CAPZA2: variants seen among roughly 807,000 people sequenced by gnomAD.
The protein encoded by CAPZA2 is F-actin-capping protein subunit alpha-2.
In CAPZA2, 13 loss-of-function variants were observed where a neutral mutation model predicts 44.0. The ratio of observed to expected loss-of-function variants is 0.30; its 90% CI spans 0.19 to 0.47. CAPZA2 has a LOEUF of 0.47. CAPZA2 is among the 20% of genes least tolerant of loss of function. The pLI is 1.00. For synonymous variants in CAPZA2, 94 were observed against 108.2 expected, an observed-to-expected ratio of 0.87 and a Z score of 0.81; for missense variants, 244 against 338.6, an observed-to-expected ratio of 0.72 and a Z score of 2.19.
intron 1 of CAPZA2, among the ~76,000 whole-genome samples, chr7:116,881,777 G>A (rs1252669135): frequency 6.7e-6 from 1 of 148,384 alleles, no homozygotes; most frequent in East Asian, 2.0e-4. Context: ...CATCACTAAT[G>A]CACCTTCCCC....
At chr7:116,900,609 G>C (rs927250034) in intron 4 of CAPZA2, among the ~76,000 whole-genome samples, 1 of 151,830 alleles carries the variant, frequency 6.6e-6, no homozygotes, top group Non-Finnish European at 1.5e-5. Context: ...TCAAAAAAAG[G>C]CATACGATTA....
At chr7:116,877,412 A>C (rs1274436954) in intron 1 of CAPZA2, among the ~76,000 whole-genome samples, 1 of 152,256 alleles carries the variant, frequency 6.6e-6, no homozygotes, top group Non-Finnish European at 1.5e-5. Context: ...TGATATGGCA[A>C]GCGGGAAGAC....
chr7:116,877,749 T>C (rs1305778225), intron 1 of CAPZA2, among the ~76,000 whole-genome samples: 1 of 152,222 alleles, frequency 6.6e-6, no homozygotes, highest in African/African-American at 2.4e-5. Flanking sequence ...AAGAGCCTTA[T>C]ATATCATGCT....
intron 8 of CAPZA2, among the ~76,000 whole-genome samples, chr7:116,912,529 A>G (rs1791611435): frequency 6.6e-6 from 1 of 152,034 alleles, no homozygotes; most frequent in Non-Finnish European, 1.5e-5. Context: ...TGGCTAATCT[A>G]CTTTCTGGCT....
In CAPZA2 at chr7:116,892,933, C is replaced by T. The variant is rs372003873; in HGVS notation, c.104-61C>T. 2.8e-4 allele frequency: 336 copies of T among 1,202,496 alleles called. 1 individual carries two copies. Among genetic ancestry groups the T allele is most frequent in the Middle Eastern group, 4.3e-4 (2 of 4,634 alleles). 74.5% of individuals were successfully genotyped at this position (1,202,496 alleles called of 1,614,324 possible). On this transcript the variant is annotated intron_variant, in intron 2 of 9. Transcript: ENST00000361183. ...GTTAATACATCACCAAAACAATCTG[C>T]GTTCATTACATTCTTGAAACATATA...
intron 1 of CAPZA2, among the ~76,000 whole-genome samples, chr7:116,871,092 C>T (rs1377320391): frequency 2.0e-5 from 3 of 152,010 alleles, no homozygotes; most frequent in Admixed American, 6.6e-5. Flanking sequence ...TGGGTTAAAG[C>T]GAGATGGGAT....
intron 3 of CAPZA2, among the ~76,000 whole-genome samples, chr7:116,895,943 A>G (rs559954067): frequency 6.6e-6 from 1 of 152,120 alleles, no homozygotes; most frequent in African/African-American, 2.4e-5. Flanking sequence ...TTTGTTACCT[A>G]TCATTGAGGC....
rs567529660 is a variant in CAPZA2 at position 116,863,456 on chromosome 7, TTACTG to T, written c.39+809_39+813del. On this transcript the variant is annotated intron_variant, in intron 1 of 9. Coordinates refer to ENST00000361183, the MANE Select transcript of CAPZA2 (RefSeq NM_006136.3). ...AAGAGGGGAAAATGTGCAACTCCTT[TTACTG>T]TATATTAGATGCTGTGACAGCAATG... 6.6e-5 allele frequency among the ~76,000 whole-genome samples: 10 copies of T among 152,364 alleles called. No individual in the cohort carries two copies. The South Asian group carries it at 2.1e-3, about 32-fold the overall frequency.
chr7:116,871,902 C>T (rs567243621), intron 1 of CAPZA2, among the ~76,000 whole-genome samples: 1 of 152,346 alleles, frequency 6.6e-6, no homozygotes, highest in African/African-American at 2.4e-5. Context: ...TCTGGCTGCA[C>T]ATTAGAATCA....
chr7:116,914,265 G>A (rs1177258284), intron 8 of CAPZA2, among the ~76,000 whole-genome samples: 5 of 151,844 alleles, frequency 3.3e-5, no homozygotes, highest in African/African-American at 4.8e-5. Flanking sequence ...TCCTGACCTC[G>A]TGATCCACCC....
chr7:116,906,566 T>A, intron 6 of CAPZA2: 1 of 627,896 alleles, frequency 1.6e-6, no homozygotes, highest in Non-Finnish European at 2.4e-6. Flanking sequence ...AGTATGGGAC[T>A]AGCAAACAGC....
chr7:116,895,690 TTTGA>T (rs928385273), intron 3 of CAPZA2, among the ~76,000 whole-genome samples: 27 of 152,036 alleles, frequency 1.8e-4, no homozygotes, highest in Non-Finnish European at 3.2e-4. Flanking sequence ...AAAAAAATAG[TTTGA>T]TTGACTTCAG....
intron 6 of CAPZA2, among the ~76,000 whole-genome samples, chr7:116,908,988 T>C (rs1791551349): frequency 1.3e-5 from 2 of 152,288 alleles, no homozygotes; most frequent in Admixed American, 1.3e-4. Flanking sequence ...CAGAAGTCTT[T>C]TGGATTTCAA....
chr7:116,877,558 G>C (rs948743213), intron 1 of CAPZA2, among the ~76,000 whole-genome samples: 2 of 152,196 alleles, frequency 1.3e-5, no homozygotes, highest in Non-Finnish European at 1.5e-5. Context: ...GCCATTATTT[G>C]AGTGCTTGCT....
At chr7:116,892,973 G>GATAACATA (rs1451595791) in intron 2 of CAPZA2, 21 bp from the exon 3 acceptor site, 1 of 1,544,154 alleles carries the variant, frequency 6.5e-7, no homozygotes, top group Non-Finnish European at 8.9e-7. Flanking sequence ...TAATAATGTA[G>GATAACATA]ATAACATAAT....
chr7:116,875,056 TC>T (rs1205449317), intron 1 of CAPZA2: 3 of 152,096 alleles, frequency 2.0e-5, no homozygotes, highest in African/African-American at 7.2e-5. Context: ...ACCAGTATAC[TC>T]CAAGTCTGGG....
chr7:116,894,713 T>G (rs931699323), intron 3 of CAPZA2, among the ~76,000 whole-genome samples: 2 of 152,192 alleles, frequency 1.3e-5, no homozygotes, highest in African/African-American at 2.4e-5. Context: ...CCTATGAATT[T>G]GACAACCTAG....
At chr7:116,909,200 A>G (rs1217911365) in intron 6 of CAPZA2, among the ~76,000 whole-genome samples, 1 of 152,162 alleles carries the variant, frequency 6.6e-6, no homozygotes, top group African/African-American at 2.4e-5. Context: ...GGTAGACTAC[A>G]TGAGTATTGA....
intron 3 of CAPZA2, among the ~76,000 whole-genome samples, chr7:116,894,364 A>G (rs1796897607): frequency 6.6e-6 from 1 of 151,340 alleles, no homozygotes; most frequent in Non-Finnish European, 1.5e-5. Context: ...CCGTCTCAAA[A>G]AAAAAAAAAA....
Sources: gnomAD v4.1 joint callset for allele counts (sites outside exome capture counted in the v4.1 genomes callset) on GRCh38, gnomAD v4.1.1 for gene constraint, MANE v1.5 for transcripts, NCBI Gene and HGNC (gene_info 2026-07-23, HGNC 2026-07-21) for gene names.